The following PIEZO2 variants were observed in gnomAD, a reference collection of about 807,000 sequenced individuals.
PIEZO2 encodes the protein piezo-type mechanosensitive ion channel component 2.
PIEZO2 carries 172 observed loss-of-function variants against 337.3 expected under a neutral mutation model. The observed-to-expected ratio is 0.51, with a 90% CI of 0.45 to 0.58. PIEZO2 has a LOEUF of 0.58. Among genes scored for constraint, PIEZO2 ranks in the 20% least tolerant of loss-of-function variants. The probability of loss-of-function intolerance (pLI) is 0.00; values close to 1 mark genes in which losing one functional copy is unlikely to be tolerated. For missense variants in PIEZO2, 3,028 were observed against 3,391.3 expected, an observed-to-expected ratio of 0.89 and a Z score of 2.66; for synonymous variants, 1,251 against 1,228.5, an observed-to-expected ratio of 1.02 and a Z score of -0.38.
chr18:11,078,590 A>G lies in PIEZO2; in HGVS notation c.65-12368T>C, dbSNP rs1455176347. Among the ~76,000 whole-genome samples the G allele has an allele frequency of 6.6e-6, 1 of 152,150 alleles. No homozygotes were observed. The highest frequency in any genetic ancestry group is 2.4e-5 in the African/African-American group (1 of 41,444). The stretch of plus-strand genomic sequence containing the variant: ...GGAACTATCGCTTTTGCTTTCAAAT[A>G]TTTCTGTTGCTAGAGAAGTAGACAC... On this transcript the variant is annotated intron_variant, in intron 1 of 55. Coordinates refer to ENST00000674853, the MANE Select transcript of PIEZO2 (RefSeq NM_001378183.1). The surrounding 1 kb of genome is among the most constrained non-coding windows in gnomAD (Gnocchi z 5.3).
chr18:10,857,131 C>G lies in PIEZO2; in HGVS notation c.573G>C (p.Glu191Asp). 6.5e-7 allele frequency: 1 copy of G among 1,537,862 alleles called. No homozygotes were observed. The highest frequency in any genetic ancestry group is 2.0e-5 in the Admixed American group (1 of 51,016). The change falls in exon 6 of 56, where the codon GAG becomes GAC. Residue 191 changes from glutamate (E) to aspartate (D), a missense_variant. Coordinates refer to ENST00000674853, the MANE Select transcript of PIEZO2 (RefSeq NM_001378183.1). ...DFNGGDGVEG[E>D]LEESTKLKMF... Reference sequence around the variant, plus strand: ...TTTTTAACTTCGTGCTTTCTTCCAACTCGCCTTCAACACCATCTCCTCCAT... The same window carrying G: ...TTTTTAACTTCGTGCTTTCTTCCAAGTCGCCTTCAACACCATCTCCTCCAT...
In PIEZO2 at chr18:11,109,989, T is replaced by C. The variant is rs1461414876; in HGVS notation, c.64+38536A>G. 1.3e-5 allele frequency among the ~76,000 whole-genome samples: 2 copies of C among 152,202 alleles called. No individual in the cohort carries two copies. The highest frequency in any genetic ancestry group is 2.9e-5 in the Non-Finnish European group (2 of 68,034). On this transcript the variant is annotated intron_variant, in intron 1 of 55. Transcript: ENST00000674853. This position sits in a 1 kb window ranked among gnomAD's most constrained non-coding sequence, Gnocchi z 5.1. ...TTGGGACAAAGGTAACATTTGACCA[T>C]GTGAGTCTGAAAACATGTTTCTTCC... is the stretch of plus-strand genomic sequence containing the variant.
chr18:10,963,151 G>A (rs2033855458), intron 3 of PIEZO2, among the ~76,000 whole-genome samples: 1 of 152,042 alleles, frequency 6.6e-6, no homozygotes, highest in South Asian at 2.1e-4. Context: ...TGGGCACGGT[G>A]GCATGCTTCT....
At chr18:11,141,225 G>C (rs1182634704) in intron 1 of PIEZO2, among the ~76,000 whole-genome samples, 1 of 152,182 alleles carries the variant, frequency 6.6e-6, no homozygotes. Flanking sequence ...CTGGAGAAAA[G>C]AGCCTATTTG....
chr18:10,736,422 G>A (rs1003551822), intron 34 of PIEZO2, among the ~76,000 whole-genome samples, 182 bp downstream of exon 34: 17 of 152,124 alleles, frequency 1.1e-4, no homozygotes, highest in African/African-American at 3.9e-4. Context: ...TACTAATTAC[G>A]GTGTTGCTGG....
At chr18:11,055,004 G>A (rs1490595795) in intron 2 of PIEZO2, among the ~76,000 whole-genome samples, 2 of 152,110 alleles carry the variant, frequency 1.3e-5, no homozygotes, top group African/African-American at 4.8e-5. Flanking sequence ...GAGGTCAGGA[G>A]ATCAAGACTA....
chr18:10,797,597 C>A, intron 11 of PIEZO2, 75 bp from the exon 12 acceptor site: 1 of 1,510,328 alleles, frequency 6.6e-7, no homozygotes, highest in Non-Finnish European at 8.8e-7. Context: ...AGCAATGCAG[C>A]ACATGTATGG....
intron 3 of PIEZO2, among the ~76,000 whole-genome samples, chr18:10,937,919 A>T (rs1317463295): frequency 6.6e-6 from 1 of 152,244 alleles, no homozygotes; most frequent in Non-Finnish European, 1.5e-5. Context: ...TAATTCAACC[A>T]GTTCTGACAC....
intron 5 of PIEZO2, among the ~76,000 whole-genome samples, chr18:10,857,666 C>G (rs139162097): frequency 2.1e-4 from 32 of 152,278 alleles, no homozygotes; most frequent in African/African-American, 7.5e-4. Flanking sequence ...CTAAGTTTAT[C>G]TTTGTTCACT....
At chr18:10,730,274 A>G (rs1328065485) in intron 36 of PIEZO2, among the ~76,000 whole-genome samples, 1 of 152,208 alleles carries the variant, frequency 6.6e-6, no homozygotes, top group African/African-American at 2.4e-5. Context: ...ACATTATCCA[A>G]TGTTTAGGTT....
intron 47 of PIEZO2, among the ~76,000 whole-genome samples, chr18:10,692,100 T>C (rs1384138451): frequency 1.3e-5 from 2 of 151,914 alleles, no homozygotes; most frequent in Admixed American, 6.6e-5. Context: ...GGTAGTCTTC[T>C]CTCCAGGTGA....
At position 10,783,466 on chromosome 18, in the gene PIEZO2, C is replaced by T. The variant is rs774378588; in HGVS notation, c.2492+1318G>A. ...AACTTGGGGTGATTTTCCCTCCCAT[C>T]AAGTTTGTCTATGACTGATATCTTC... On this transcript the variant is annotated intron_variant, in intron 17 of 55. Transcript: ENST00000674853. This position sits in a 1 kb window ranked among gnomAD's most constrained non-coding sequence, Gnocchi z 4.3. Among the ~76,000 whole-genome samples, 4 of 152,222 alleles carry T rather than the reference C, an allele frequency of 2.6e-5. No homozygotes were observed. The highest frequency in any genetic ancestry group is 5.9e-5 in the Non-Finnish European group (4 of 68,044).
intron 4 of PIEZO2, among the ~76,000 whole-genome samples, chr18:10,874,655 C>G (rs1182863904): frequency 1.3e-5 from 2 of 151,982 alleles, no homozygotes; most frequent in Non-Finnish European, 2.9e-5. Context: ...GAATGAAATC[C>G]TGTAATTTGC....
At position 10,713,571 on chromosome 18, in the gene PIEZO2, G is replaced by A. The variant is rs1046487840; in HGVS notation, c.5423+1193C>T. ...CAGGAGTTTCTGACCAGCAGTCAGAGACACCAGTCTCTACTGTCCTCCCCA... is the reference window on the plus strand; with the variant it reads ...CAGGAGTTTCTGACCAGCAGTCAGAAACACCAGTCTCTACTGTCCTCCCCA... On this transcript the variant is annotated intron_variant, in intron 39 of 55. Transcript: ENST00000674853. This position sits in a 1 kb window ranked among gnomAD's most constrained non-coding sequence, Gnocchi z 4.5. Among the ~76,000 whole-genome samples, 59 of 152,300 alleles carry A rather than the reference G, an allele frequency of 3.9e-4. No individual in the cohort carries two copies. The highest frequency in any genetic ancestry group is 1.3e-3 in the African/African-American group (55 of 41,568).
intron 1 of PIEZO2, among the ~76,000 whole-genome samples, chr18:11,089,037 C>G (rs28720850): frequency 0.02 from 3,004 of 152,236 alleles, 103 homozygotes; most frequent in African/African-American, 0.066. Context: ...CAGCAGTTAT[C>G]AGTCTGTCTA....
At chr18:10,758,248 T>C in intron 26 of PIEZO2, 114 bp from the exon 27 acceptor site, 4 of 1,200,092 alleles carry the variant, frequency 3.3e-6, no homozygotes, top group East Asian at 2.6e-5. Flanking sequence ...GTGAGTTGTG[T>C]TCCCAAAGTT....
chr18:11,093,536 G>A (rs1234356066), intron 1 of PIEZO2, among the ~76,000 whole-genome samples: 1 of 142,356 alleles, frequency 7.0e-6, no homozygotes, highest in Non-Finnish European at 1.5e-5. Flanking sequence ...CGTGTCGAAA[G>A]ACGGATTTCT....
intron 2 of PIEZO2, among the ~76,000 whole-genome samples, chr18:11,061,203 C>G (rs1367959678): frequency 1.3e-5 from 2 of 152,010 alleles, no homozygotes; most frequent in Non-Finnish European, 2.9e-5. Flanking sequence ...CAAAATTCAA[C>G]AACCCTTCAT....
chr18:10,770,220 G>C lies in PIEZO2; in HGVS notation c.2874C>G (p.Phe958Leu). The C allele has an allele frequency of 6.5e-7, 1 of 1,537,466 alleles. No individual in the cohort carries two copies. The highest frequency in any genetic ancestry group is 8.7e-7 in the Non-Finnish European group (1 of 1,146,944). Residue 958 changes from phenylalanine (F) to leucine (L), a missense_variant, in exon 21 of 56, where the codon TTC becomes TTG. Coordinates refer to ENST00000674853, the MANE Select transcript of PIEZO2 (RefSeq NM_001378183.1). Reference protein sequence around the residue: ...FLEYFHKLQVFMWWILELHII... With the variant: ...FLEYFHKLQVLMWWILELHII... ...TGTGCAACTCCAAAATCCACCACAT[G>C]AACACCTGCAGCTTGTGAAAATACT... is the stretch of plus-strand genomic sequence containing the variant.
Sources: allele counts gnomAD v4.1 joint callset (sites outside exome capture counted in the v4.1 genomes callset), GRCh38; gene constraint gnomAD v4.1.1; non-coding constraint Gnocchi (gnomAD v3.1); transcripts MANE v1.5; gene names NCBI Gene and HGNC (gene_info 2026-07-23, HGNC 2026-07-21).